The following C17orf67 variants were observed in gnomAD, a reference collection of about 807,000 sequenced individuals.
The protein encoded by C17orf67 is chromosome 17 open reading frame 67, also known as uncharacterized protein C17orf67.
A neutral mutation model predicts 11.2 loss-of-function variants in C17orf67; 12 were observed. The ratio of observed to expected loss-of-function variants is 1.07; its 90% confidence interval spans 0.68 to 1.73. The LOEUF is 1.73. Ranked by LOEUF, C17orf67 falls within the 40% of genes most tolerant of loss-of-function variation. The pLI is 0.00. For synonymous variants in C17orf67, 59 were observed against 46.9 expected, an observed-to-expected ratio of 1.26 and a Z score of -1.05; for missense variants, 115 against 113.5, an observed-to-expected ratio of 1.01 and a Z score of -0.06.
intron 6 of C17orf67, chr17:56,804,133 A>G (rs1401017489): frequency 6.6e-6 from 1 of 152,234 alleles, no homozygotes; most frequent in African/African-American, 2.4e-5. Flanking sequence ...TCTGTGTTCC[A>G]TGTCAAATGC....
chr17:56,799,626 C>T lies in C17orf67; in HGVS notation c.157-4446G>A, dbSNP rs555977905. 1.6e-4 allele frequency among the ~76,000 whole-genome samples: 24 copies of T among 152,188 alleles called. No homozygotes were observed. In the East Asian group the frequency reaches 2.9e-3, roughly 18 times the overall value. On this transcript the variant is annotated intron_variant, in intron 6 of 7. Coordinates refer to ENST00000397861, the MANE Select transcript of C17orf67 (RefSeq NM_001085430.4). The stretch of plus-strand genomic sequence containing the variant: ...ATTATTGAATCGTATGTTAAGAGTA[C>T]GTCTGGTTTTGTAAGAAACTGCCAA...
intron 4 of C17orf67, among the ~76,000 whole-genome samples, chr17:56,816,308 T>C (rs1380400666): frequency 6.6e-6 from 1 of 152,212 alleles, no homozygotes; most frequent in Non-Finnish European, 1.5e-5. Flanking sequence ...AAAAACAATT[T>C]TCAGCTGACT....
At chr17:56,806,115 C>T (rs970066888) in intron 6 of C17orf67, among the ~76,000 whole-genome samples, 6 of 151,572 alleles carry the variant, frequency 4.0e-5, no homozygotes, top group African/African-American at 1.5e-4. Flanking sequence ...GCTGGGACTA[C>T]AGGTACCCAC....
intron 6 of C17orf67, among the ~76,000 whole-genome samples, chr17:56,801,575 T>C (rs1214513458): frequency 6.6e-6 from 1 of 152,132 alleles, no homozygotes; most frequent in Non-Finnish European, 1.5e-5. Flanking sequence ...TTGGTTATGG[T>C]TGTTGTTTTC....
intron 6 of C17orf67, among the ~76,000 whole-genome samples, chr17:56,801,825 G>C (rs1905329479): frequency 6.6e-6 from 1 of 152,208 alleles, no homozygotes; most frequent in South Asian, 2.1e-4. Context: ...GGAACAACAA[G>C]TTCCCAGCAT....
At chr17:56,796,899 C>T (rs1002123340) in intron 6 of C17orf67, among the ~76,000 whole-genome samples, 1 of 150,458 alleles carries the variant, frequency 6.6e-6, no homozygotes, top group Admixed American at 6.6e-5. Context: ...GGCCACCTTC[C>T]TCCTCGAAGC....
intron 2 of C17orf67, among the ~76,000 whole-genome samples, chr17:56,826,873 A>T (rs1209810486): frequency 6.6e-6 from 1 of 152,142 alleles, no homozygotes; most frequent in Non-Finnish European, 1.5e-5. Context: ...GGGATCATAA[A>T]CCTACATGGT....
intron 2 of C17orf67, among the ~76,000 whole-genome samples, chr17:56,831,024 A>T (rs1465334233): frequency 6.6e-6 from 1 of 152,190 alleles, no homozygotes; most frequent in Non-Finnish European, 1.5e-5. Flanking sequence ...CAGAGTGGTA[A>T]ATGAGTGAAG....
intron 2 of C17orf67, among the ~76,000 whole-genome samples, chr17:56,830,749 AT>A (rs1318299955): frequency 6.6e-6 from 1 of 152,232 alleles, no homozygotes; most frequent in African/African-American, 2.4e-5. Context: ...CTGTATTTAG[AT>A]AACTGTAAAT....
At chr17:56,820,949 G>A (rs1010812178) in intron 4 of C17orf67, among the ~76,000 whole-genome samples, 11 of 151,946 alleles carry the variant, frequency 7.2e-5, no homozygotes, top group African/African-American at 1.2e-4. Flanking sequence ...TTGCTCTGTC[G>A]CCCAGGCTGG....
chr17:56,798,235 C>T (rs1905249248), intron 6 of C17orf67, among the ~76,000 whole-genome samples: 1 of 152,224 alleles, frequency 6.6e-6, no homozygotes, highest in Admixed American at 6.5e-5. Context: ...AGACCCCTGC[C>T]ACAACCTCTG....
At chr17:56,794,959 A>C in intron 7 of C17orf67, 85 bp downstream of exon 7, 11 of 883,948 alleles carry the variant, frequency 1.2e-5, no homozygotes, top group East Asian at 2.8e-5. Context: ...CCCCTGAGGC[A>C]TGGTCTGGAA....
intron 2 of C17orf67, among the ~76,000 whole-genome samples, chr17:56,830,827 G>C (rs1906179277): frequency 6.6e-6 from 1 of 152,204 alleles, no homozygotes; most frequent in African/African-American, 2.4e-5. Context: ...ACATAAATGT[G>C]GGGCAATCTT....
intron 6 of C17orf67, among the ~76,000 whole-genome samples, chr17:56,795,542 T>C (rs1461567117): frequency 1.3e-5 from 2 of 152,276 alleles, no homozygotes; most frequent in South Asian, 2.1e-4. Context: ...ATATCTGATA[T>C]TACAACACAG....
intron 6 of C17orf67, among the ~76,000 whole-genome samples, chr17:56,796,768 T>C (rs1039122290): frequency 3.3e-5 from 5 of 152,028 alleles, no homozygotes; most frequent in Non-Finnish European, 5.9e-5. Flanking sequence ...CGCAGACTCC[T>C]CACCCCTCTC....
At chr17:56,823,217 G>T (rs989482498) in intron 4 of C17orf67, among the ~76,000 whole-genome samples, 9 of 152,166 alleles carry the variant, frequency 5.9e-5, no homozygotes, top group Non-Finnish European at 1.0e-4. Flanking sequence ...AAAAGCTCTA[G>T]TTCTGGGGAA....
chr17:56,822,672 ATAGAT>A (rs1905933642), intron 4 of C17orf67, among the ~76,000 whole-genome samples: 2 of 152,188 alleles, frequency 1.3e-5, no homozygotes, highest in African/African-American at 4.8e-5. Flanking sequence ...ATGACTAAAG[ATAGAT>A]TAATCACACG....
At position 56,818,946 on chromosome 17, in the gene C17orf67, C is replaced by T. The variant is rs138267783; in HGVS notation, c.-200-2936G>A. 1.2e-3 allele frequency among the ~76,000 whole-genome samples: 180 copies of T among 152,304 alleles called. 2 individuals are homozygous for T. Among genetic ancestry groups the T allele is most frequent in the African/African-American group, 4.1e-3 (172 of 41,560 alleles). ...CACCCAGCTTCTGGCACCAGGCTCCCAAATGGGATTCTAGTTTCCCTCCCT... is the reference window on the plus strand; with the variant it reads ...CACCCAGCTTCTGGCACCAGGCTCCTAAATGGGATTCTAGTTTCCCTCCCT... On this transcript the variant is annotated intron_variant, in intron 4 of 7. Coordinates refer to ENST00000397861, the MANE Select transcript of C17orf67 (RefSeq NM_001085430.4).
At chr17:56,808,841 G>C (rs577101939) in intron 6 of C17orf67, among the ~76,000 whole-genome samples, 1 of 152,190 alleles carries the variant, frequency 6.6e-6, no homozygotes. Flanking sequence ...CATGAGGAGA[G>C]ACTTCTGCAA....
Sources: gnomAD v4.1 joint callset for allele counts (sites outside exome capture counted in the v4.1 genomes callset) on GRCh38, gnomAD v4.1.1 for gene constraint, MANE v1.5 for transcripts, NCBI Gene and HGNC (gene_info 2026-07-23, HGNC 2026-07-21) for gene names.